Variants in CDK19 observed in about 807,000 individuals in gnomAD.
The protein encoded by CDK19 is cyclin-dependent kinase 19.
Under a neutral mutation model 68.3 loss-of-function variants are expected in CDK19, and 20 were observed. The observed-to-expected ratio is 0.29, with a 90% CI of 0.21 to 0.43. The LOEUF (loss-of-function observed/expected upper bound fraction) is 0.43, where lower values mean the gene tolerates loss of function less well. Among genes scored for constraint, CDK19 ranks in the 20% least tolerant of loss-of-function variants. The pLI is 1.00. For missense variants in CDK19, 339 were observed against 623.5 expected (o/e 0.54, Z 4.86); for synonymous variants, 221 against 222.8 (o/e 0.99, Z 0.07).
At chr6:110,669,184 A>C (rs1027528939) in intron 3 of CDK19, among the ~76,000 whole-genome samples, 1 of 152,270 alleles carries the variant, frequency 6.6e-6, no homozygotes, top group African/African-American at 2.4e-5. Context: ...TTGAACAAAA[A>C]AAACACACTG....
At chr6:110,710,524 G>A (rs138256653) in intron 2 of CDK19, among the ~76,000 whole-genome samples, 4 of 152,232 alleles carry the variant, frequency 2.6e-5, no homozygotes, top group East Asian at 3.9e-4. Flanking sequence ...ACCATAGAAC[G>A]GTTAGCTTAT....
intron 1 of CDK19, among the ~76,000 whole-genome samples, chr6:110,764,672 C>A (rs898091180): frequency 1.1e-4 from 17 of 152,104 alleles, no homozygotes; most frequent in Non-Finnish European, 2.1e-4. Flanking sequence ...TAGAGAAGGC[C>A]GGACACGGTG....
At chr6:110,646,124 C>A in intron 4 of CDK19, 1 of 903,992 alleles carries the variant, frequency 1.1e-6, no homozygotes, top group Non-Finnish European at 1.7e-6. Flanking sequence ...TGATTCTCAT[C>A]TCTGATGCTA....
At chr6:110,760,836 G>A (rs78109647) in intron 1 of CDK19, among the ~76,000 whole-genome samples, 4,200 of 152,260 alleles carry the variant, frequency 0.028, 83 homozygotes, top group South Asian at 0.084. Flanking sequence ...TAAGTAACTC[G>A]CTCTATATCA....
At chr6:110,732,877 G>A (rs546806878) in intron 2 of CDK19, among the ~76,000 whole-genome samples, 55 of 152,174 alleles carry the variant, frequency 3.6e-4, no homozygotes, top group Non-Finnish European at 7.2e-4. Flanking sequence ...GACCAGCATG[G>A]CCAACACGGT....
At chr6:110,744,011 GT>G (rs5879078) in intron 2 of CDK19, among the ~76,000 whole-genome samples, 1 of 113,352 alleles carries the variant, frequency 8.8e-6, no homozygotes, top group African/African-American at 3.5e-5. Context: ...ACCTCCCCAC[GT>G]TTTTTTTTTT....
At chr6:110,617,662 T>TATACACACACAC (rs755618032) in intron 12 of CDK19, among the ~76,000 whole-genome samples, 1,559 of 107,086 alleles carry the variant, frequency 0.015, 23 homozygotes, top group Non-Finnish European at 0.019. Flanking sequence ...TATATATATA[T>TATACACACACAC]ACACACACAC....
intron 5 of CDK19, 150 bp downstream of exon 5, chr6:110,638,499 A>G (rs1779928142): frequency 1.8e-6 from 1 of 569,302 alleles, no homozygotes; most frequent in Non-Finnish European, 3.1e-6. Flanking sequence ...AGTTTTGTAG[A>G]CTATCTATCT....
chr6:110,623,737 AAT>A (rs67254112), intron 8 of CDK19, among the ~76,000 whole-genome samples: 88,897 of 146,660 alleles, frequency 0.61, 27,802 homozygotes, highest in East Asian at 0.88. Flanking sequence ...AGTAATGGCC[AAT>A]ATATATATAT....
chr6:110,726,799 A>G (rs1419240615), intron 2 of CDK19, among the ~76,000 whole-genome samples: 3 of 152,204 alleles, frequency 2.0e-5, no homozygotes, highest in African/African-American at 4.8e-5. Context: ...TCATTTTGCT[A>G]CAGAGCAAAA....
At chr6:110,628,914 A>G (rs1779264869) in intron 6 of CDK19, among the ~76,000 whole-genome samples, 2 of 152,208 alleles carry the variant, frequency 1.3e-5, no homozygotes, top group Non-Finnish European at 2.9e-5. Context: ...CTCCTTAATG[A>G]TGCAGCAAGG....
intron 1 of CDK19, chr6:110,814,773 C>G (rs1362030960): frequency 1.5e-6 from 1 of 662,736 alleles, no homozygotes; most frequent in East Asian, 3.0e-5. Flanking sequence ...CCCTCTGGGA[C>G]GGGACCGACG....
In CDK19 at chr6:110,718,776, A is replaced by C. The variant is rs139320921; in HGVS notation, c.204+27350T>G. 2.0e-3 allele frequency among the ~76,000 whole-genome samples: 307 copies of C among 152,338 alleles called. 2 individuals are homozygous for C. The highest frequency in any genetic ancestry group is 7.0e-3 in the African/African-American group (290 of 41,576). Reference sequence around the variant, plus strand: ...CAGATAGTTGCTGAAAGAATCACTAAAAGATATACCAAAATAAGGAGTATA... The same window carrying C: ...CAGATAGTTGCTGAAAGAATCACTACAAGATATACCAAAATAAGGAGTATA... On this transcript the variant is annotated intron_variant, in intron 2 of 12. Coordinates refer to ENST00000368911, the MANE Select transcript of CDK19 (RefSeq NM_015076.5).
At chr6:110,672,448 G>A (rs148104619) in intron 2 of CDK19, among the ~76,000 whole-genome samples, 2 of 152,030 alleles carry the variant, frequency 1.3e-5, no homozygotes, top group Non-Finnish European at 2.9e-5. Context: ...GATCCCACTA[G>A]AATAAATTCA....
chr6:110,725,975 C>CT (rs920068960), intron 2 of CDK19, among the ~76,000 whole-genome samples: 2 of 150,866 alleles, frequency 1.3e-5, no homozygotes, highest in Non-Finnish European at 3.0e-5. Context: ...GAAAGCATTT[C>CT]TTTTTTTTTC....
At chr6:110,697,391 C>CA (rs1264079654) in intron 2 of CDK19, among the ~76,000 whole-genome samples, 1 of 151,660 alleles carries the variant, frequency 6.6e-6, no homozygotes, top group African/African-American at 2.4e-5. Context: ...ATAACAGCTG[C>CA]AAAAAAATAA....
At chr6:110,664,891 T>C (rs966815069) in intron 4 of CDK19, among the ~76,000 whole-genome samples, 1 of 152,190 alleles carries the variant, frequency 6.6e-6, no homozygotes, top group African/African-American at 2.4e-5. Context: ...AGTATTTGAA[T>C]ATGTTGAGAC....
intron 2 of CDK19, among the ~76,000 whole-genome samples, chr6:110,734,520 G>GCTCGCTTTCTCTCTCT (rs991736850): frequency 1.2e-5 from 1 of 85,734 alleles, no homozygotes; most frequent in Non-Finnish European, 2.3e-5. Context: ...GGTGAGCACT[G>GCTCGCTTTCTCTCTCT]CTCTCTCTCT....
At chr6:110,629,006 C>A (rs1779272415) in intron 6 of CDK19, among the ~76,000 whole-genome samples, 1 of 152,160 alleles carries the variant, frequency 6.6e-6, no homozygotes, top group Non-Finnish European at 1.5e-5. Context: ...TTTTCTGTCT[C>A]CCATGTCATA....
Sources: gnomAD v4.1 joint callset for allele counts (sites outside exome capture counted in the v4.1 genomes callset) on GRCh38, gnomAD v4.1.1 for gene constraint, MANE v1.5 for transcripts, NCBI Gene and HGNC (gene_info 2026-07-23, HGNC 2026-07-21) for gene names.